The following TMOD1 variants were observed in gnomAD, a reference collection of about 807,000 sequenced individuals.
TMOD1 encodes the protein tropomodulin 1, also known as tropomodulin-1.
Under a neutral mutation model 40.6 loss-of-function variants are expected in TMOD1, and 17 were observed. The observed-to-expected ratio is 0.42, with a 90% CI of 0.29 to 0.63. The LOEUF (loss-of-function observed/expected upper bound fraction) is 0.63. TMOD1 is among the 20% of genes least tolerant of loss of function. The probability of loss-of-function intolerance (pLI) is 0.22; values close to 1 mark genes in which losing one functional copy is unlikely to be tolerated. For missense variants in TMOD1, 391 were observed against 447.6 expected (o/e 0.87, Z 1.14); for synonymous variants, 181 against 175.0 (o/e 1.03, Z -0.27).
chr9:97,578,997 G>A (rs1311598890), intron 8 of TMOD1, among the ~76,000 whole-genome samples: 4 of 152,112 alleles, frequency 2.6e-5, no homozygotes, highest in Admixed American at 6.5e-5. Context: ...CCATCTCCAG[G>A]CCAAAACGGC....
rs763478524 is a variant in TMOD1 at position 97,565,963 on chromosome 9, C to A, written c.726+8C>A. The A allele has an allele frequency of 6.2e-7, 1 of 1,610,796 alleles. No homozygotes were observed. The highest frequency in any genetic ancestry group is 2.2e-5 in the East Asian group (1 of 44,870). On this transcript the variant is annotated splice_region_variant and intron_variant, in intron 7 of 9. Coordinates refer to ENST00000259365, the MANE Select transcript of TMOD1 (RefSeq NM_003275.4). ...AATGACCCCGTGGCGTATGTATGTA[C>A]CTTTCTGTTCTGTTGCATTGTGGCT... is the stretch of plus-strand genomic sequence containing the variant.
At chr9:97,569,065 C>G in intron 8 of TMOD1, 28 bp downstream of exon 8, 1 of 1,611,126 alleles carries the variant, frequency 6.2e-7, no homozygotes, top group Non-Finnish European at 8.5e-7. Context: ...CTCCTCAGGT[C>G]TGTTACTACA....
intron 2 of TMOD1, among the ~76,000 whole-genome samples, chr9:97,539,984 AAAAAAAGAAAAG>A (rs1378899192): frequency 2.0e-5 from 3 of 151,486 alleles, no homozygotes; most frequent in African/African-American, 7.3e-5. Context: ...AAAAAAAAAA[AAAAAAAGAAAAG>A]AAAAAAAGAA....
intron 5 of TMOD1, among the ~76,000 whole-genome samples, chr9:97,563,531 G>T (rs1228975586): frequency 6.6e-6 from 1 of 152,122 alleles, no homozygotes; most frequent in Non-Finnish European, 1.5e-5. Flanking sequence ...GTTTCTAGGT[G>T]CCTCCTCTGT....
chr9:97,576,894 C>T (rs1381935951), intron 8 of TMOD1, among the ~76,000 whole-genome samples: 2 of 152,176 alleles, frequency 1.3e-5, no homozygotes, highest in Non-Finnish European at 1.5e-5. Context: ...CCACCTCGGC[C>T]TCCCAAATTG....
chr9:97,576,241 G>C (rs1830937208), intron 8 of TMOD1, among the ~76,000 whole-genome samples: 1 of 152,092 alleles, frequency 6.6e-6, no homozygotes, highest in South Asian at 2.1e-4. Flanking sequence ...AGGAGTTCAA[G>C]ACCAGCCTGG....
At chr9:97,550,075 AC>A (rs1830425686) in intron 3 of TMOD1, among the ~76,000 whole-genome samples, 1 of 152,194 alleles carries the variant, frequency 6.6e-6, no homozygotes, top group Non-Finnish European at 1.5e-5. Context: ...AGCCCCTAGT[AC>A]CACCAATCTG....
At chr9:97,595,801 G>A (rs781539743) in intron 9 of TMOD1, among the ~76,000 whole-genome samples, 2 of 152,004 alleles carry the variant, frequency 1.3e-5, no homozygotes, top group South Asian at 4.1e-4. Flanking sequence ...AGCCAGGTAC[G>A]GTGGCTCACA....
In TMOD1 at chr9:97,574,394, G is replaced by C. The variant is rs1365269050; in HGVS notation, c.870+5357G>C. ...AGCTGCTGTGCTCGACTTCTCGCCG[G>C]GCCTTAGCTGCCTCCCCACGGGGCA... On this transcript the variant is annotated intron_variant, in intron 8 of 9. Transcript: ENST00000259365. Among the ~76,000 whole-genome samples, 12 of 152,192 alleles carry C rather than the reference G, an allele frequency of 7.9e-5. No homozygotes were observed. The South Asian group carries it at 2.5e-3, about 31-fold the overall frequency.
At chr9:97,534,515 T>C (rs988153597) in intron 2 of TMOD1, among the ~76,000 whole-genome samples, 14 of 152,110 alleles carry the variant, frequency 9.2e-5, no homozygotes, top group South Asian at 2.1e-4. Flanking sequence ...CAAAACCCAA[T>C]TGGGGACAGC....
At position 97,601,256 on chromosome 9, in the gene TMOD1, G is replaced by A; in HGVS notation, c.*1558G>A. The A allele has an allele frequency of 8.2e-7, 1 of 1,217,184 alleles. No individual in the cohort carries two copies. The highest frequency in any genetic ancestry group is 1.6e-5 in the African/African-American group (1 of 63,658). 75.4% of individuals were successfully genotyped at this position (1,217,184 alleles called of 1,614,324 possible). A position where few individuals can be genotyped will look rare whatever the true frequency, so the allele number is the denominator to read the frequency against. On this transcript the variant is annotated 3_prime_UTR_variant, in exon 10 of 10. Transcript: ENST00000259365. Reference sequence around the variant, plus strand: ...ATATTAAATCTGTTGGTCTATGCATGGCTGCGTATGTGTTTCTTGGAACCT... The same window carrying A: ...ATATTAAATCTGTTGGTCTATGCATAGCTGCGTATGTGTTTCTTGGAACCT...
chr9:97,600,289 A>G lies in TMOD1; in HGVS notation c.*591A>G. 1 of 986,248 alleles carries G rather than the reference A, an allele frequency of 1.0e-6. No individual in the cohort carries two copies. The highest frequency in any genetic ancestry group is 1.2e-6 in the Non-Finnish European group (1 of 830,220). 61.1% of individuals were successfully genotyped at this position (986,248 alleles called of 1,614,324 possible). On this transcript the variant is annotated 3_prime_UTR_variant, in exon 10 of 10. Transcript: ENST00000259365. ...GAACTCTGCCAGGAGTCAACATGAG[A>G]TTCCTTTTGCTGGATATGCAGAAAT...
At chr9:97,559,792 AAAATATATATAT>A (rs1201010911) in intron 4 of TMOD1, among the ~76,000 whole-genome samples, 20 of 35,078 alleles carry the variant, frequency 5.7e-4, no homozygotes, top group African/African-American at 2.1e-3. Flanking sequence ...AAAAAAAAAA[AAAATATATATAT>A]ATATATATAT....
chr9:97,559,821 ATATGTCTATCTATCTATCTATC>A (rs1400962343), intron 4 of TMOD1, among the ~76,000 whole-genome samples: 4 of 26,206 alleles, frequency 1.5e-4, no homozygotes, highest in Non-Finnish European at 3.0e-4. Flanking sequence ...ATATATATAT[ATATGTCTATCTATCTATCTATC>A]TATCTATCTC....
intron 8 of TMOD1, among the ~76,000 whole-genome samples, chr9:97,589,098 C>G (rs1177905872): frequency 8.9e-6 from 1 of 112,160 alleles, no homozygotes; most frequent in East Asian, 2.5e-4. Flanking sequence ...GCCTGAACAA[C>G]AAGAGTGAGA....
intron 8 of TMOD1, among the ~76,000 whole-genome samples, chr9:97,584,003 C>T (rs1825813580): frequency 6.6e-6 from 1 of 151,900 alleles, no homozygotes; most frequent in Non-Finnish European, 1.5e-5. Context: ...CTATTTCCTT[C>T]AGTTCTGCTC....
intron 1 of TMOD1, among the ~76,000 whole-genome samples, chr9:97,511,087 C>CACACACACACACAG (rs5899312): frequency 3.8e-5 from 5 of 131,308 alleles, no homozygotes; most frequent in Admixed American, 7.0e-5. Context: ...CACACACAGA[C>CACACACACACACAG]ACACACACAC....
intron 5 of TMOD1, among the ~76,000 whole-genome samples, chr9:97,563,628 C>T (rs1333256778): frequency 1.3e-5 from 2 of 152,096 alleles, no homozygotes; most frequent in Non-Finnish European, 2.9e-5. Context: ...CATTTTGGCC[C>T]CAAACAGAAA....
chr9:97,561,147 C>T (rs1477420781), intron 4 of TMOD1, among the ~76,000 whole-genome samples: 2 of 152,218 alleles, frequency 1.3e-5, no homozygotes, highest in Non-Finnish European at 2.9e-5. Flanking sequence ...CAGCCACATC[C>T]ATCTCTCCCC....
Sources: gnomAD v4.1 joint callset for allele counts (sites outside exome capture counted in the v4.1 genomes callset) on GRCh38, gnomAD v4.1.1 for gene constraint, MANE v1.5 for transcripts, NCBI Gene and HGNC (gene_info 2026-07-23, HGNC 2026-07-21) for gene names.